The following TRPM3 variants were observed in gnomAD, a reference collection of about 807,000 sequenced individuals.
TRPM3 encodes the protein long transient receptor potential channel 3.
TRPM3 carries 77 observed loss-of-function variants against 181.2 expected under a neutral mutation model. That is an observed-to-expected ratio of 0.42 (90% CI 0.35 to 0.51). TRPM3 has a LOEUF of 0.51. Among genes scored for constraint, TRPM3 ranks in the 20% least tolerant of loss-of-function variants. The pLI is 0.01. For missense variants in TRPM3, 1,759 were observed against 2,196.7 expected, an observed-to-expected ratio of 0.80 and a Z score of 3.98; for synonymous variants, 745 against 796.4, an observed-to-expected ratio of 0.94 and a Z score of 1.09.
intron 1 of TRPM3, among the ~76,000 whole-genome samples, chr9:71,096,589 CA>C: frequency 8.5e-6 from 1 of 117,174 alleles, no homozygotes; most frequent in Non-Finnish European, 1.8e-5. Flanking sequence ...CACACACACA[CA>C]CTCTCTCTCT....
intron 22 of TRPM3, 38 bp from the exon 23 acceptor site, chr9:70,553,348 CTA>C: frequency 6.2e-7 from 1 of 1,600,936 alleles, no homozygotes; most frequent in Non-Finnish European, 8.5e-7. Context: ...GAGAAACTGG[CTA>C]TTTGAGTTAG....
intron 1 of TRPM3, among the ~76,000 whole-genome samples, chr9:71,127,436 C>T (rs2074112568): frequency 6.6e-6 from 1 of 152,078 alleles, no homozygotes; most frequent in African/African-American, 2.4e-5. Context: ...AGGGACTGGA[C>T]TGTCTGTGTT....
In TRPM3 at chr9:71,435,804, T is replaced by C. The variant is rs374645265; in HGVS notation, c.183+10849A>G. On this transcript the variant is annotated intron_variant, in intron 1 of 24. Transcript: ENST00000357533. The stretch of plus-strand genomic sequence containing the variant: ...GGTAGCTAATCATTTGACCTTAAAA[T>C]AAAGAGATGGTTTTCAATTACCCAG... 4.0e-4 allele frequency among the ~76,000 whole-genome samples: 61 copies of C among 152,242 alleles called. No homozygotes were observed. The South Asian group carries it at 0.013, about 32-fold the overall frequency.
rs75209962 is a variant in TRPM3 at position 70,988,047 on chromosome 9, T to A, written c.178-123536A>T. ...ATTCTGTAATTATGTTCCTCTAAATTTTTTGGTGTTAAAATATCTGTTGGT... is the reference window on the plus strand; with the variant it reads ...ATTCTGTAATTATGTTCCTCTAAATATTTTGGTGTTAAAATATCTGTTGGT... On this transcript the variant is annotated intron_variant, in intron 1 of 25. Coordinates refer to ENST00000677713, the MANE Select transcript of TRPM3 (RefSeq NM_001366145.2). Among the ~76,000 whole-genome samples, 800 of 152,232 alleles carry A rather than the reference T, an allele frequency of 5.3e-3. 7 individuals are homozygous for A. The highest frequency in any genetic ancestry group is 0.018 in the African/African-American group (753 of 41,554).
intron 3 of TRPM3, among the ~76,000 whole-genome samples, chr9:70,851,057 G>C (rs546333469): frequency 1.3e-5 from 2 of 152,020 alleles, no homozygotes; most frequent in Non-Finnish European, 2.9e-5. Context: ...TGTGGCTTTT[G>C]GAACCCCAAA....
intron 1 of TRPM3, among the ~76,000 whole-genome samples, chr9:71,150,594 C>A (rs916322114): frequency 2.0e-5 from 3 of 152,096 alleles, no homozygotes; most frequent in African/African-American, 7.2e-5. Context: ...AAGAATACAA[C>A]CTTTCAAATT....
intron 1 of TRPM3, among the ~76,000 whole-genome samples, chr9:71,285,780 G>C (rs2085231649): frequency 6.6e-6 from 1 of 152,090 alleles, no homozygotes; most frequent in African/African-American, 2.4e-5. Flanking sequence ...TTCCCAGCTG[G>C]AGTAGGTACC....
chr9:71,042,802 G>A (rs592077), intron 1 of TRPM3, among the ~76,000 whole-genome samples: 2,592 of 152,194 alleles, frequency 0.017, 38 homozygotes, highest in Middle Eastern at 0.031. Context: ...AATAAGAAAG[G>A]AAAAACGTAA....
At chr9:71,189,248 G>T (rs7870970) in intron 1 of TRPM3, among the ~76,000 whole-genome samples, 65,132 of 151,650 alleles carry the variant, frequency 0.43, 14,384 homozygotes, top group East Asian at 0.51. Context: ...CCACTTACTT[G>T]GTTCACTATG....
chr9:71,303,117 C>T (rs953302008), intron 1 of TRPM3, among the ~76,000 whole-genome samples: 3 of 152,106 alleles, frequency 2.0e-5, no homozygotes, highest in African/African-American at 4.8e-5. Flanking sequence ...GGACACCCCA[C>T]CCCATCCCAC....
At chr9:71,069,608 CTTTT>C (rs71367252) in intron 1 of TRPM3, among the ~76,000 whole-genome samples, 2 of 126,642 alleles carry the variant, frequency 1.6e-5, no homozygotes, top group Non-Finnish European at 1.7e-5. Flanking sequence ...TTCCTTTTTT[CTTTT>C]TTTTTTTTTT....
At chr9:71,365,881 A>G (rs541662677) in intron 1 of TRPM3, among the ~76,000 whole-genome samples, 23 of 152,324 alleles carry the variant, frequency 1.5e-4, no homozygotes, top group Non-Finnish European at 3.2e-4. Flanking sequence ...TTGCTGTACC[A>G]GAATATAAAC....
At chr9:71,180,363 A>G (rs1346214247) in intron 1 of TRPM3, among the ~76,000 whole-genome samples, 1 of 152,120 alleles carries the variant, frequency 6.6e-6, no homozygotes, top group Non-Finnish European at 1.5e-5. Flanking sequence ...CCTATCATAC[A>G]TCTTTCTTAG....
rs1554658569 is a variant in TRPM3 at position 71,420,989 on chromosome 9, G to GAGAGAAAAAGAGAGAGAAAA, written c.183+25663_183+25664insTTTTCTCTCTCTTTTTCTCT. Among the ~76,000 whole-genome samples the GAGAGAAAAAGAGAGAGAAAA allele has an allele frequency of 1.9e-3, 193 of 101,872 alleles. 12 individuals are homozygous for GAGAGAAAAAGAGAGAGAAAA. The highest frequency in any genetic ancestry group is 7.3e-3 in the African/African-American group (164 of 22,428). The allele number at this position is 101,872 out of a possible 152,430, so 66.8% of individuals were successfully genotyped here. The stretch of plus-strand genomic sequence containing the variant: ...AGGGAGAGAAAAAGAGAGAGAAAAA[G>GAGAGAAAAAGAGAGAGAAAA]AGAGAGAAAAAGAGAGAAAAAGAGA... On this transcript the variant is annotated intron_variant, in intron 1 of 24. Transcript: ENST00000357533.
At chr9:70,561,711 T>G (rs2049139845) in intron 22 of TRPM3, among the ~76,000 whole-genome samples, 1 of 152,174 alleles carries the variant, frequency 6.6e-6, no homozygotes, top group African/African-American at 2.4e-5. Flanking sequence ...CACTGGAAAT[T>G]GGTGGGAGGC....
At chr9:71,245,065 C>T (rs1350512971) in intron 1 of TRPM3, among the ~76,000 whole-genome samples, 1 of 152,090 alleles carries the variant, frequency 6.6e-6, no homozygotes, top group East Asian at 1.9e-4. Context: ...CTTGGCACAG[C>T]ATTGGCAAGT....
chr9:71,358,787 G>C (rs972103872), intron 1 of TRPM3, among the ~76,000 whole-genome samples: 3 of 152,152 alleles, frequency 2.0e-5, no homozygotes, highest in African/African-American at 7.2e-5. Context: ...TCACGGTGAA[G>C]TGGATCAAAC....
intron 1 of TRPM3, among the ~76,000 whole-genome samples, chr9:71,147,424 G>GAC (rs34795244): frequency 0.35 from 51,341 of 144,646 alleles, 9,167 homozygotes; most frequent in Middle Eastern, 0.55. Context: ...GCAACACACA[G>GAC]ACACACACAC....
intron 6 of TRPM3, among the ~76,000 whole-genome samples, chr9:70,820,830 G>A (rs949372989): frequency 3.9e-5 from 6 of 152,118 alleles, no homozygotes; most frequent in African/African-American, 9.6e-5. Context: ...AGGTCACAGA[G>A]CCCTGACAAT....
Sources: gnomAD v4.1 joint callset for allele counts (sites outside exome capture counted in the v4.1 genomes callset) on GRCh38, gnomAD v4.1.1 for gene constraint, MANE v1.5 for transcripts, NCBI Gene and HGNC (gene_info 2026-07-23, HGNC 2026-07-21) for gene names.